The following L3HYPDH variants were observed in gnomAD, a reference collection of about 807,000 sequenced individuals.
L3HYPDH encodes the protein trans-3-hydroxy-L-proline dehydratase.
Under a neutral mutation model 26.5 loss-of-function variants are expected in L3HYPDH, and 32 were observed. The ratio of observed to expected loss-of-function variants is 1.21; its 90% CI spans 0.91 to 1.62. The LOEUF (loss-of-function observed/expected upper bound fraction) is 1.62. Among genes scored for constraint, L3HYPDH ranks in the 40% most tolerant of loss-of-function variants. L3HYPDH has a pLI of 0.00. For synonymous variants in L3HYPDH, 215 were observed against 196.6 expected, an observed-to-expected ratio of 1.09 and a Z score of -0.78; for missense variants, 554 against 476.4, an observed-to-expected ratio of 1.16 and a Z score of -1.52.
chr14:59,485,140 A>C (rs1301130852), upstream of L3HYPDH: 2 of 1,597,234 alleles, frequency 1.3e-6, no homozygotes, highest in Non-Finnish European at 1.7e-6. Context: ...TGTTTATTTC[A>C]GTTCAGTTTA....
At chr14:59,495,240 G>A in the L3HYPDH span, 3 of 1,528,826 alleles carry the variant, frequency 2.0e-6, no homozygotes, top group South Asian at 1.1e-5. Context: ...TGTTTATTTC[G>A]ACTTAAGATC....
At chr14:59,490,756 T>C in the L3HYPDH span, among the ~76,000 whole-genome samples, 1 of 152,282 alleles carries the variant, frequency 6.6e-6, no homozygotes, top group East Asian at 1.9e-4. Context: ...ATTAATAGAA[T>C]GATGAGAGAT....
the L3HYPDH span, among the ~76,000 whole-genome samples, chr14:59,499,326 A>G: frequency 6.6e-6 from 1 of 152,134 alleles, no homozygotes; most frequent in Non-Finnish European, 1.5e-5. Flanking sequence ...TAAAAATCTA[A>G]GTATGTAATA....
intron 4 of L3HYPDH, 61 bp downstream of exon 4, chr14:59,475,808 C>G (rs529594174): frequency 6.7e-7 from 1 of 1,489,628 alleles, no homozygotes; most frequent in South Asian, 1.3e-5. Context: ...ACACCCAACT[C>G]AGGCCTCTCC....
chr14:59,480,738 T>C (rs1889958794), intron 1 of L3HYPDH, among the ~76,000 whole-genome samples: 2 of 152,160 alleles, frequency 1.3e-5, no homozygotes, highest in Admixed American at 1.3e-4. Flanking sequence ...ACAGAGCAAG[T>C]TTATAATCAA....
At chr14:59,493,380 A>G in the L3HYPDH span, among the ~76,000 whole-genome samples, 2 of 152,336 alleles carry the variant, frequency 1.3e-5, no homozygotes, top group East Asian at 1.9e-4. Context: ...AGCATGGTCA[A>G]GCCTCTAGAC....
intron 1 of L3HYPDH, among the ~76,000 whole-genome samples, chr14:59,465,666 G>T (rs1156600580): frequency 6.6e-6 from 1 of 152,122 alleles, no homozygotes; most frequent in Non-Finnish European, 1.5e-5. Flanking sequence ...CTTTTGGGGA[G>T]TGGTGGGGGG....
intron 4 of L3HYPDH, chr14:59,474,473 C>T (rs1594906297): frequency 2.9e-6 from 2 of 697,050 alleles, no homozygotes; most frequent in East Asian, 5.4e-5. Context: ...GGTCTCTCGG[C>T]TCCCTCTCTA....
At chr14:59,470,608 G>C (rs561327564), downstream of L3HYPDH, among the ~76,000 whole-genome samples, 1 of 152,260 alleles carries the variant, frequency 6.6e-6, no homozygotes, top group East Asian at 1.9e-4. Context: ...TCAGCACCAA[G>C]GGACTAGAGT....
chr14:59,471,528 T>C (rs1324589196), downstream of L3HYPDH, among the ~76,000 whole-genome samples: 1 of 152,194 alleles, frequency 6.6e-6, no homozygotes, highest in Non-Finnish European at 1.5e-5. Flanking sequence ...CTTTAGAGAA[T>C]TTTAGAACAA....
intron 4 of L3HYPDH, 98 bp from the exon 5 acceptor site, chr14:59,473,188 G>T: frequency 8.5e-7 from 1 of 1,174,544 alleles, no homozygotes; most frequent in Non-Finnish European, 1.2e-6. Context: ...TGAAGGAAAG[G>T]CCAAGGGTTA....
intron 1 of L3HYPDH, 31 bp downstream of exon 1, chr14:59,483,778 T>C: frequency 1.3e-6 from 2 of 1,585,346 alleles, no homozygotes; most frequent in South Asian, 1.1e-5. Context: ...GTTGCAGCTC[T>C]GCCCTGGGCT....
At chr14:59,471,558 T>G (rs1374139734), downstream of L3HYPDH, among the ~76,000 whole-genome samples, 1 of 152,168 alleles carries the variant, frequency 6.6e-6, no homozygotes, top group Non-Finnish European at 1.5e-5. Context: ...CAACTAAAAG[T>G]CTTTTTAAAA....
chr14:59,487,912 T>A, upstream of L3HYPDH: 1 of 1,247,318 alleles, frequency 8.0e-7, no homozygotes, highest in Middle Eastern at 1.9e-4. Flanking sequence ...TAATTATGCT[T>A]CTTCTGTTTT....
chr14:59,483,676 T>A, intron 1 of L3HYPDH, 133 bp downstream of exon 1: 1 of 1,461,700 alleles, frequency 6.8e-7, no homozygotes, highest in East Asian at 2.5e-5. Context: ...TGGCAGTGAT[T>A]TACCTTTCTA....
At chr14:59,484,876 C>T, upstream of L3HYPDH, 1 of 1,248,644 alleles carries the variant, frequency 8.0e-7, no homozygotes, top group Non-Finnish European at 1.1e-6. Flanking sequence ...GTCGAGGGAA[C>T]ACTTGCTTGA....
intron 4 of L3HYPDH, chr14:59,474,383 C>G: frequency 1.6e-6 from 1 of 607,842 alleles, no homozygotes; most frequent in Non-Finnish European, 2.9e-6. Context: ...AGTTGTTCAG[C>G]TGCTTCCCAG....
At chr14:59,481,911 G>A (rs766295808) in intron 1 of L3HYPDH, among the ~76,000 whole-genome samples, 1 of 152,204 alleles carries the variant, frequency 6.6e-6, no homozygotes, top group African/African-American at 2.4e-5. Context: ...CGTATGGGGA[G>A]TTCCTGGCAC....
Position 59,473,029 on chromosome 14 carries a change from G to C in L3HYPDH, c.1001C>G (p.Thr334Arg). 6.2e-7 allele frequency: 1 copy of C among 1,608,158 alleles called. No individual in the cohort carries two copies. The highest frequency in any genetic ancestry group is 8.5e-7 in the Non-Finnish European group (1 of 1,177,532). Residue 334 changes from threonine to arginine, a missense_variant, in exon 5 of 5, where the codon ACG becomes AGG. Transcript: ENST00000247194. The stretch of plus-strand genomic sequence containing the variant: ...TTCTATTATAAAGCTTGCTGTACCC[G>C]TGTAATGGGCTTGTCCTGATACTTC... ...IVEVSGQAHY[T>R]GTASFIIEDD...
Sources: allele counts gnomAD v4.1 joint callset (sites outside exome capture counted in the v4.1 genomes callset), GRCh38; gene constraint gnomAD v4.1.1; transcripts MANE v1.5; gene names NCBI Gene and HGNC (gene_info 2026-07-23, HGNC 2026-07-21).